Variants in DSG2 observed in about 807,000 individuals in gnomAD.
The protein encoded by DSG2 is desmoglein-2.
Under a neutral mutation model 75.6 loss-of-function variants are expected in DSG2, and 45 were observed. That is an observed-to-expected ratio of 0.60 (90% CI 0.47 to 0.76). DSG2 has a LOEUF of 0.76. DSG2 is among the 30% of genes least tolerant of loss of function. The pLI is 0.00. For synonymous variants in DSG2, 429 were observed against 483.9 expected (o/e 0.89, Z 1.49); for missense variants, 1,267 against 1,357.4 (o/e 0.93, Z 1.05).
rs369869320 is a variant in DSG2 at position 31,524,540 on chromosome 18, T to A, written c.783T>A (p.Arg261=). 2.3e-4 allele frequency: 379 copies of A among 1,614,026 alleles called. No individual in the cohort carries two copies. The highest frequency in any genetic ancestry group is 3.1e-4 in the Non-Finnish European group (363 of 1,180,006). ...KPVKQAQVQI[R]ILDVNDNIPV... ...TAAAACAAGCTCAAGTTCAGATTCGTATTTTGGATGTCAATGACAATATAC... is the reference window on the plus strand; with the variant it reads ...TAAAACAAGCTCAAGTTCAGATTCGAATTTTGGATGTCAATGACAATATAC... The change falls in exon 7 of 15, where the codon CGT becomes CGA. Residue 261 remains arginine (R), a synonymous_variant. Coordinates refer to ENST00000261590, the MANE Select transcript of DSG2 (RefSeq NM_001943.5).
At chr18:31,520,173 T>A (rs1195882028) in intron 3 of DSG2, among the ~76,000 whole-genome samples, 1 of 152,154 alleles carries the variant, frequency 6.6e-6, no homozygotes, top group African/African-American at 2.4e-5. Context: ...TAGATAACTT[T>A]GAGTTTTGAT....
chr18:31,524,434 T>A lies in DSG2; in HGVS notation c.691-14T>A. On this transcript the variant is annotated splice_polypyrimidine_tract_variant and intron_variant, in intron 6 of 14. Coordinates refer to ENST00000261590, the MANE Select transcript of DSG2 (RefSeq NM_001943.5). Reference sequence around the variant, plus strand: ...CTCTTTTCACCCAGCTGGACATTTTTCATTGCTCTGCAGGAACACAGCAGC... The same window carrying A: ...CTCTTTTCACCCAGCTGGACATTTTACATTGCTCTGCAGGAACACAGCAGC... 6.2e-7 allele frequency: 1 copy of A among 1,614,136 alleles called. No homozygotes were observed.
At chr18:31,544,522 G>A (rs560217002) in intron 14 of DSG2, among the ~76,000 whole-genome samples, 4 of 151,900 alleles carry the variant, frequency 2.6e-5, no homozygotes, top group African/African-American at 9.7e-5. Flanking sequence ...AGTTAGAAGA[G>A]CAAATTAAAC....
Position 31,545,785 on chromosome 18 carries a change from C to T in DSG2, c.2399C>T (p.Ser800Phe), listed in dbSNP as rs794728090. 1 of 1,614,120 alleles carries T rather than the reference C, an allele frequency of 6.2e-7. No individual in the cohort carries two copies. Among genetic ancestry groups the T allele is most frequent in the East Asian group, 2.2e-5 (1 of 44,866 alleles). ...GCCAAAGATTGCCTTCTGGTTTATTCTCAGGAAGAAACTGAATCGCTGAAT... is the reference window on the plus strand; with the variant it reads ...GCCAAAGATTGCCTTCTGGTTTATTTTCAGGAAGAAACTGAATCGCTGAAT... ...HTAKDCLLVYSQEETESLNAS... is the reference protein window; with the variant it reads ...HTAKDCLLVYFQEETESLNAS... Residue 800 changes from serine to phenylalanine, a missense_variant, in exon 15 of 15, where the codon TCT becomes TTT. Transcript: ENST00000261590.
At position 31,541,207 on chromosome 18, in the gene DSG2, C is replaced by G; in HGVS notation, c.1894C>G (p.Leu632Val). The G allele has an allele frequency of 1.2e-6, 2 of 1,614,186 alleles. No individual in the cohort carries two copies. Among genetic ancestry groups the G allele is most frequent in the Non-Finnish European group, 1.7e-6 (2 of 1,180,000 alleles). ...TGTCTGTACAGTGGTACCACTTTTA[C>G]TGCTGATGTGCCATTGCGGAAAGGG... ...FLLLLLVPLL[L>V]LMCHCGKGAK... The change falls in exon 13 of 15, where the codon CTG (leucine) becomes GTG (valine). Residue 632 changes from leucine (L) to valine (V), a missense_variant. By Grantham distance (32) the Leu-to-Val change is conservative. Coordinates refer to ENST00000261590, the MANE Select transcript of DSG2 (RefSeq NM_001943.5).
Position 31,502,426 on chromosome 18 carries a change from T to G in DSG2, c.45+4130T>G, listed in dbSNP as rs561688018. On this transcript the variant is annotated intron_variant, in intron 1 of 14. Coordinates refer to ENST00000261590, the MANE Select transcript of DSG2 (RefSeq NM_001943.5). Reference sequence around the variant, plus strand: ...ATTACACATTGAATAGGGATAAGTGTTTTTGAAAACTGCCAAATTATATTT... The same window carrying G: ...ATTACACATTGAATAGGGATAAGTGGTTTTGAAAACTGCCAAATTATATTT... Among the ~76,000 whole-genome samples the G allele has an allele frequency of 1.3e-4, 20 of 152,278 alleles. No homozygotes were observed. The South Asian group carries it at 3.9e-3, about 30-fold the overall frequency.
At chr18:31,513,959 A>G (rs1016983853) in intron 1 of DSG2, among the ~76,000 whole-genome samples, 3 of 152,194 alleles carry the variant, frequency 2.0e-5, no homozygotes, top group African/African-American at 7.2e-5. Context: ...TGTGCAGGAT[A>G]CTCAGCCAGT....
At position 31,541,316 on chromosome 18, in the gene DSG2, T is replaced by C; in HGVS notation, c.2001+2T>C. ...GAAGGAGCACCACCTGAAGACAAGG[T>C]CAGTGGATCAGATGTCAATATGACT... On this transcript the variant is annotated splice_donor_variant, in intron 13 of 14. Transcript: ENST00000261590. LOFTEE classifies it high-confidence loss of function. The C allele has an allele frequency of 1.2e-6, 2 of 1,613,924 alleles. No individual in the cohort carries two copies. The highest frequency in any genetic ancestry group is 1.7e-6 in the Non-Finnish European group (2 of 1,179,892).
At chr18:31,512,901 CAT>C (rs1455204635) in intron 1 of DSG2, among the ~76,000 whole-genome samples, 1 of 152,314 alleles carries the variant, frequency 6.6e-6, no homozygotes, top group East Asian at 1.9e-4. Flanking sequence ...TGTTACTTAA[CAT>C]ATCCTACAAG....
Position 31,522,404 on chromosome 18 carries a change from T to C in DSG2, c.690+155T>C, listed in dbSNP as rs2073134216. ...TCTTTTAGGGATGTGCTGTCCAATA[T>C]GGGCCATGTGACTATTGAGCACTTA... On this transcript the variant is annotated intron_variant, in intron 6 of 14. Transcript: ENST00000261590. The C allele has an allele frequency of 1.7e-5, 12 of 718,630 alleles. No homozygotes were observed. The South Asian group carries it at 2.2e-4, about 13-fold the overall frequency. 44.5% of individuals were successfully genotyped at this position (718,630 alleles called of 1,614,324 possible). A position where few individuals can be genotyped will look rare whatever the true frequency, so the allele number is the denominator to read the frequency against.
chr18:31,541,396 T>C (rs2073267224), intron 13 of DSG2, 82 bp downstream of exon 13: 3 of 1,544,402 alleles, frequency 1.9e-6, no homozygotes, highest in Middle Eastern at 1.7e-4. Flanking sequence ...ACATGTTTGG[T>C]TGAGTGAGTA....
intron 8 of DSG2, among the ~76,000 whole-genome samples, chr18:31,529,343 C>T (rs1281701945): frequency 1.3e-5 from 2 of 152,078 alleles, no homozygotes; most frequent in Non-Finnish European, 2.9e-5. Flanking sequence ...TTTATTTTTT[C>T]ATGGTCTTGG....
chr18:31,542,492 C>G, intron 13 of DSG2, 28 bp from the exon 14 acceptor site: 1 of 1,611,492 alleles, frequency 6.2e-7, no homozygotes, highest in Non-Finnish European at 8.5e-7. Context: ...CCTCCTGACT[C>G]AGTTCTCAGC....
intron 8 of DSG2, among the ~76,000 whole-genome samples, chr18:31,526,670 T>C (rs2073164677): frequency 6.6e-6 from 1 of 152,194 alleles, no homozygotes; most frequent in African/African-American, 2.4e-5. Context: ...CAGTCAGATA[T>C]TGATGAATGA....
At chr18:31,506,738 T>C (rs2073040818) in intron 1 of DSG2, among the ~76,000 whole-genome samples, 1 of 152,240 alleles carries the variant, frequency 6.6e-6, no homozygotes, top group South Asian at 2.1e-4. Context: ...ATTTATATTT[T>C]GCCTAATTCC....
intron 1 of DSG2, among the ~76,000 whole-genome samples, chr18:31,514,005 A>C (rs551929028): frequency 2.0e-5 from 3 of 152,220 alleles, no homozygotes; most frequent in Non-Finnish European, 4.4e-5. Context: ...AGAAACAAAG[A>C]CTGGGAAAGT....
chr18:31,514,343 A>C (rs2144305211), intron 1 of DSG2, among the ~76,000 whole-genome samples: 1 of 152,288 alleles, frequency 6.6e-6, no homozygotes, highest in East Asian at 1.9e-4. Context: ...AATTGTTGAA[A>C]CTGGATGTTA....
At position 31,521,124 on chromosome 18, in the gene DSG2, G is replaced by C. The variant is rs748059851; in HGVS notation, c.404G>C (p.Arg135Thr). The change falls in exon 5 of 15, where the codon AGA (arginine) becomes ACA (threonine). Residue 135 changes from arginine to threonine, a missense_variant. By Grantham distance (71) the Arg-to-Thr change is moderately conservative. Coordinates refer to ENST00000261590, the MANE Select transcript of DSG2 (RefSeq NM_001943.5). Reference sequence around the variant, plus strand: ...CTAACAGGTTACGCTTTGGATGCAAGAGGAAACAATGTAGAGAAACCCTTA... The same window carrying C: ...CTAACAGGTTACGCTTTGGATGCAACAGGAAACAATGTAGAGAAACCCTTA... ...FLLTGYALDA[R>T]GNNVEKPLEL... 6.2e-7 allele frequency: 1 copy of C among 1,613,876 alleles called. No homozygotes were observed.
rs1466553597 is a variant in DSG2, at chr18:31,548,408, T to C, written c.*1665T>C. On this transcript the variant is annotated 3_prime_UTR_variant, in exon 15 of 15. Coordinates refer to ENST00000261590, the MANE Select transcript of DSG2 (RefSeq NM_001943.5). ...AAATTTTGTAGATTTTAAAAAATAT[T>C]GTTGAATGGTGTCATGCAAAGGATT... The C allele has an allele frequency of 6.6e-6, 1 of 152,026 alleles. No individual in the cohort carries two copies. The highest frequency in any genetic ancestry group is 1.9e-4 in the East Asian group (1 of 5,172). The allele number at this position is 152,026 out of a possible 1,614,324, so 9.4% of individuals were successfully genotyped here. A position where few individuals can be genotyped will look rare whatever the true frequency, so the allele number is the denominator to read the frequency against.
Sources: allele counts gnomAD v4.1 joint callset (sites outside exome capture counted in the v4.1 genomes callset), GRCh38; gene constraint gnomAD v4.1.1; transcripts MANE v1.5; gene names NCBI Gene and HGNC (gene_info 2026-07-23, HGNC 2026-07-21).